Variants in ABCC4 observed in about 807,000 individuals in gnomAD.
ABCC4 encodes ATP-binding cassette sub-family C member 4.
In ABCC4, 102 loss-of-function variants were observed where a neutral mutation model predicts 168.5. The observed-to-expected ratio is 0.61, with a 90% CI of 0.52 to 0.71. ABCC4 has a LOEUF of 0.71. Ranked by LOEUF, ABCC4 falls within the 30% of genes least tolerant of loss-of-function variation. The pLI, the probability that ABCC4 is intolerant of heterozygous loss-of-function variation, is 0.00. For synonymous variants in ABCC4, 617 were observed against 590.7 expected (o/e 1.04, Z -0.65); for missense variants, 1,402 against 1,605.8 (o/e 0.87, Z 2.17).
intron 4 of ABCC4, among the ~76,000 whole-genome samples, chr13:95,220,156 G>A (rs1036803139): frequency 5.8e-4 from 86 of 149,076 alleles, no homozygotes; most frequent in Middle Eastern, 3.2e-3. Context: ...GTGAACCAAC[G>A]TGCCCAGCCT....
At chr13:95,183,000 G>C (rs113841372) in intron 11 of ABCC4, among the ~76,000 whole-genome samples, 1 of 148,714 alleles carries the variant, frequency 6.7e-6, no homozygotes, top group African/African-American at 2.5e-5. Context: ...TACTTCAACT[G>C]TATCTAGTAC....
chr13:95,089,208 C>T (rs542180940), intron 20 of ABCC4, among the ~76,000 whole-genome samples: 1 of 152,100 alleles, frequency 6.6e-6, no homozygotes, highest in African/African-American at 2.4e-5. Context: ...ATAGAAAAAA[C>T]AAAGATGGGT....
intron 19 of ABCC4, among the ~76,000 whole-genome samples, chr13:95,157,805 T>C (rs2036921966): frequency 6.6e-6 from 1 of 151,976 alleles, no homozygotes; most frequent in East Asian, 1.9e-4. Flanking sequence ...GCGCGGTGGC[T>C]CACGCCTGTA....
intron 9 of ABCC4, among the ~76,000 whole-genome samples, chr13:95,189,335 G>A (rs1376486552): frequency 6.6e-6 from 1 of 151,012 alleles, no homozygotes; most frequent in Non-Finnish European, 1.5e-5. Flanking sequence ...GGGTTTCACC[G>A]TGGTCTCGAT....
chr13:95,234,750 A>C lies in ABCC4; in HGVS notation c.391T>G (p.Leu131Val). The C allele has an allele frequency of 6.2e-7, 1 of 1,614,086 alleles. No homozygotes were observed. Among genetic ancestry groups the C allele is most frequent in the Non-Finnish European group, 8.5e-7 (1 of 1,179,980 alleles). Residue 131 changes from leucine to valine, a missense_variant, in exon 4 of 31, where the codon TTG becomes GTG. Around this residue, in one of 3 missense-constraint regions of ABCC4, gnomAD observed 317 missense variants for 345.5 expected, o/e 0.92. Coordinates refer to ENST00000645237, the MANE Select transcript of ABCC4 (RefSeq NM_005845.5). ...GTGGCATAGGCGTACGCTGTGTTCA[A>C]AGCCACAGAATCCATGGGATCATAA... ...ENYDPMDSVALNTAYAYATVL... is the reference protein window; with the variant it reads ...ENYDPMDSVAVNTAYAYATVL...
chr13:95,181,688 C>T (rs2037900327), intron 11 of ABCC4, among the ~76,000 whole-genome samples: 1 of 152,170 alleles, frequency 6.6e-6, no homozygotes, highest in Admixed American at 6.5e-5. Flanking sequence ...GTAGTGACCA[C>T]ACTTCACAGA....
intron 27 of ABCC4, among the ~76,000 whole-genome samples, chr13:95,047,068 A>C (rs977818286): frequency 6.6e-6 from 1 of 152,244 alleles, no homozygotes; most frequent in Admixed American, 6.5e-5. Context: ...TTCAAGGGCT[A>C]TAAGAGAGGA....
Position 95,244,655 on chromosome 13 carries a change from AAGAAAG to A in ABCC4, c.306+2314_306+2319del, listed in dbSNP as rs1566563669. Among the ~76,000 whole-genome samples the A allele has an allele frequency of 1.0e-3, 90 of 87,848 alleles. 10 individuals are homozygous for A. The highest frequency in any genetic ancestry group is 1.4e-3 in the African/African-American group (28 of 19,456). 57.6% of individuals were successfully genotyped at this position (87,848 alleles called of 152,430 possible). A position where few individuals can be genotyped will look rare whatever the true frequency, so the allele number is the denominator to read the frequency against. On this transcript the variant is annotated intron_variant, in intron 3 of 30. Transcript: ENST00000645237. ...AAAGAAAGAAAGAAAGAAAGAAAGA[AAGAAAG>A]AAAGAAAGAAATCATAGCAGTTCCT... is the stretch of plus-strand genomic sequence containing the variant.
intron 1 of ABCC4, among the ~76,000 whole-genome samples, chr13:95,282,510 TA>T (rs2041150361): frequency 6.6e-6 from 1 of 152,166 alleles, no homozygotes; most frequent in African/African-American, 2.4e-5. Flanking sequence ...AAACTTTTAC[TA>T]AAGTATGTTT....
In ABCC4 at chr13:95,193,259, C is replaced by A. The variant is rs182270247; in HGVS notation, c.1263+1577G>T. ...ATTGGCTCTTGGCTCCAGCAAACTA[C>A]GCTACAACGCAAGGTCAGCCACAAA... is the stretch of plus-strand genomic sequence containing the variant. On this transcript the variant is annotated intron_variant, in intron 9 of 30. Coordinates refer to ENST00000645237, the MANE Select transcript of ABCC4 (RefSeq NM_005845.5). Among the ~76,000 whole-genome samples, 15 of 152,360 alleles carry A rather than the reference C, an allele frequency of 9.8e-5. No individual in the cohort carries two copies. The East Asian group carries it at 2.1e-3, about 22-fold the overall frequency.
intron 29 of ABCC4, 129 bp downstream of exon 29, chr13:95,043,553 T>C (rs751718638): frequency 6.0e-6 from 4 of 663,986 alleles, no homozygotes; most frequent in Admixed American, 2.8e-5. Flanking sequence ...GAATTACTGC[T>C]GGGAAGAGAG....
rs565424453 is a variant in ABCC4, at chr13:95,115,608, T to C, written c.2535+314A>G. Among the ~76,000 whole-genome samples, 11 of 151,950 alleles carry C rather than the reference T, an allele frequency of 7.2e-5. No homozygotes were observed. The South Asian group carries it at 2.3e-3, about 32-fold the overall frequency. On this transcript the variant is annotated intron_variant, in intron 20 of 30. Coordinates refer to ENST00000645237, the MANE Select transcript of ABCC4 (RefSeq NM_005845.5). ...GTGAGAGGTGATTGTTTCTGTATTA[T>C]GAAATGTGTTCACAGTAAAGCAAAA...
At chr13:95,151,397 CCCAGA>C (rs2036668479) in intron 19 of ABCC4, among the ~76,000 whole-genome samples, 1 of 151,336 alleles carries the variant, frequency 6.6e-6, no homozygotes, top group East Asian at 1.9e-4. Context: ...ATTGCTTGAG[CCCAGA>C]GGGCGGAGGT....
intron 1 of ABCC4, among the ~76,000 whole-genome samples, chr13:95,281,484 A>T (rs1035591148): frequency 4.6e-5 from 7 of 152,156 alleles, no homozygotes; most frequent in African/African-American, 1.7e-4. Flanking sequence ...ATAATTATAC[A>T]GACTTGGACC....
At chr13:95,288,155 G>A (rs553594630) in intron 1 of ABCC4, among the ~76,000 whole-genome samples, 1 of 152,050 alleles carries the variant, frequency 6.6e-6, no homozygotes, top group Non-Finnish European at 1.5e-5. Context: ...GGATACTGAA[G>A]CCCAGAGTGG....
chr13:95,061,232 C>G (rs1449825314), intron 26 of ABCC4, among the ~76,000 whole-genome samples: 1 of 152,156 alleles, frequency 6.6e-6, no homozygotes, highest in African/African-American at 2.4e-5. Flanking sequence ...TTAATTCTTT[C>G]TGGAAGTGGA....
rs770222411 is a variant in ABCC4, at chr13:95,087,990, G to A, written c.2536-4700C>T. On this transcript the variant is annotated intron_variant, in intron 20 of 30. Transcript: ENST00000645237. ...TTTTCTAAACTTGTCCTTCCCTTGG[G>A]ATACATTAATCACTCCTTTCATCCC... Among the ~76,000 whole-genome samples the A allele has an allele frequency of 5.9e-5, 9 of 152,246 alleles. No homozygotes were observed. The South Asian group carries it at 1.9e-3, about 32-fold the overall frequency.
chr13:95,219,692 G>A (rs1445584286), intron 4 of ABCC4, among the ~76,000 whole-genome samples: 3 of 151,954 alleles, frequency 2.0e-5, no homozygotes, highest in African/African-American at 4.8e-5. Context: ...AGAACAGGGA[G>A]GGCCGAGGCA....
At chr13:95,025,689 G>A (rs114247081) in intron 30 of ABCC4, among the ~76,000 whole-genome samples, 9,337 of 151,822 alleles carry the variant, frequency 0.061, 968 homozygotes, top group African/African-American at 0.21. Context: ...ATAATTTTAA[G>A]AGTAGTACAG....
Sources: gnomAD v4.1 joint callset for allele counts (sites outside exome capture counted in the v4.1 genomes callset) on GRCh38, gnomAD v4.1.1 for gene constraint, gnomAD v4.1.1 regional missense constraint, MANE v1.5 for transcripts, NCBI Gene and HGNC (gene_info 2026-07-23, HGNC 2026-07-21) for gene names.